Variants in OR2L13 observed in about 807,000 individuals in gnomAD.
OR2L13 encodes olfactory receptor 2L13.
OR2L13 carries 14 observed loss-of-function variants against 15.3 expected under a neutral mutation model. That is an observed-to-expected ratio of 0.91 (90% CI 0.60 to 1.43). The LOEUF (loss-of-function observed/expected upper bound fraction) is 1.43. OR2L13 is among the 40% of genes most tolerant of loss of function. The probability of loss-of-function intolerance (pLI) is 0.00; values close to 1 mark genes in which losing one functional copy is unlikely to be tolerated. For missense variants in OR2L13, 367 were observed against 387.9 expected (o/e 0.95, Z 0.45); for synonymous variants, 152 against 142.9 (o/e 1.06, Z -0.45).
At chr1:248,068,036 C>G in the OR2L13 span, among the ~76,000 whole-genome samples, 1 of 152,198 alleles carries the variant, frequency 6.6e-6, no homozygotes. Context: ...AGGAGGCCTG[C>G]TTGCCTCTGT....
chr1:247,951,990 T>C, the OR2L13 span, among the ~76,000 whole-genome samples: 5,723 of 152,224 alleles, frequency 0.038, 120 homozygotes, highest in African/African-American at 0.059. Flanking sequence ...TGTGTGTGTG[T>C]GTGCGCGCGT....
chr1:248,077,697 G>T, the OR2L13 span, among the ~76,000 whole-genome samples: 2 of 152,122 alleles, frequency 1.3e-5, no homozygotes, highest in African/African-American at 4.8e-5. Flanking sequence ...GTGTAAGTAC[G>T]ACTTCATGAA....
At chr1:247,949,447 C>G in the OR2L13 span, 12 of 1,588,974 alleles carry the variant, frequency 7.6e-6, no homozygotes, top group South Asian at 8.9e-5. Context: ...TATGAGGGCA[C>G]AGTGTTTTTG....
the OR2L13 span, among the ~76,000 whole-genome samples, chr1:248,018,160 T>A: frequency 0.13 from 19,167 of 143,482 alleles, 2,328 homozygotes; most frequent in African/African-American, 0.33. Context: ...CTCAAAAAAA[T>A]AAAAAAAAAA....
At chr1:247,975,965 G>A in the OR2L13 span, among the ~76,000 whole-genome samples, 3 of 151,678 alleles carry the variant, frequency 2.0e-5, no homozygotes, top group Admixed American at 6.6e-5. Flanking sequence ...ATAGTTATAT[G>A]TCATTCATTT....
At chr1:247,947,930 A>G in the OR2L13 span, among the ~76,000 whole-genome samples, 6 of 152,198 alleles carry the variant, frequency 3.9e-5, no homozygotes, top group Non-Finnish European at 7.3e-5. Flanking sequence ...GACAGAATAA[A>G]CATGGGTTGG....
the OR2L13 span, among the ~76,000 whole-genome samples, chr1:247,963,974 T>A: frequency 2.0e-5 from 3 of 152,204 alleles, no homozygotes; most frequent in African/African-American, 7.2e-5. Flanking sequence ...ACTTGCCAGT[T>A]CAGGATATAG....
chr1:247,989,315 C>T, the OR2L13 span, among the ~76,000 whole-genome samples: 71 of 152,210 alleles, frequency 4.7e-4, no homozygotes, highest in African/African-American at 1.7e-3. Context: ...CCAAATGAGC[C>T]ATAGGCTGCT....
chr1:248,046,663 T>C, the OR2L13 span, among the ~76,000 whole-genome samples: 1 of 152,138 alleles, frequency 6.6e-6, no homozygotes, highest in Admixed American at 6.5e-5. Flanking sequence ...CCAGTGAATA[T>C]CAGCAAAACA....
chr1:247,986,329 T>C, the OR2L13 span, among the ~76,000 whole-genome samples: 2 of 152,228 alleles, frequency 1.3e-5, no homozygotes, highest in Non-Finnish European at 2.9e-5. Flanking sequence ...TTTCTACATA[T>C]GGCTAGCCAG....
the OR2L13 span, among the ~76,000 whole-genome samples, chr1:247,987,089 A>C: frequency 9.3e-5 from 14 of 150,174 alleles, no homozygotes; most frequent in Non-Finnish European, 1.8e-4. Flanking sequence ...AATCTCTTTC[A>C]GATTGTTTGT....
the OR2L13 span, among the ~76,000 whole-genome samples, chr1:248,080,041 T>A: frequency 0.79 from 119,469 of 152,020 alleles, 51,328 homozygotes; most frequent in South Asian, 0.95. Context: ...TATGTTAGAA[T>A]AATGATTTCC....
the OR2L13 span, among the ~76,000 whole-genome samples, chr1:248,000,187 A>G: frequency 1.3e-5 from 2 of 151,242 alleles, no homozygotes; most frequent in Non-Finnish European, 2.9e-5. Context: ...ATCAATTTTA[A>G]GGAGACCAGC....
chr1:247,980,880 G>A, the OR2L13 span: 1 of 152,146 alleles, frequency 6.6e-6, no homozygotes, highest in Admixed American at 6.5e-5. Context: ...ATGCCTGTAC[G>A]ACTCCTCACA....
At chr1:247,942,423 C>T in the OR2L13 span, among the ~76,000 whole-genome samples, 2 of 152,084 alleles carry the variant, frequency 1.3e-5, no homozygotes, top group South Asian at 4.1e-4. Flanking sequence ...AGTGGGGCTA[C>T]CGAGCTTGTC....
At chr1:248,045,699 C>G in the OR2L13 span, 9 of 152,188 alleles carry the variant, frequency 5.9e-5, no homozygotes. Flanking sequence ...CACACTTTGA[C>G]TTTCAGGAAA....
chr1:247,945,928 A>G, the OR2L13 span, among the ~76,000 whole-genome samples: 3,520 of 152,250 alleles, frequency 0.023, 56 homozygotes, highest in East Asian at 0.036. Flanking sequence ...CAGCACACCA[A>G]TGGGTGACTT....
the OR2L13 span, among the ~76,000 whole-genome samples, chr1:247,970,539 T>C: frequency 6.6e-6 from 1 of 152,178 alleles, no homozygotes; most frequent in Non-Finnish European, 1.5e-5. Flanking sequence ...GAATGCAACT[T>C]GGATCATATT....
At chr1:248,000,119 T>TGG in the OR2L13 span, among the ~76,000 whole-genome samples, 1,869 of 150,948 alleles carry the variant, frequency 0.012, 36 homozygotes, top group African/African-American at 0.041. Flanking sequence ...CTTTTTTTTT[T>TGG]TTTGGTGTGT....
Sources: allele counts gnomAD v4.1 joint callset (sites outside exome capture counted in the v4.1 genomes callset), GRCh38; gene constraint gnomAD v4.1.1; transcripts MANE v1.5; gene names NCBI Gene and HGNC (gene_info 2026-07-23, HGNC 2026-07-21).